KIF3B: variants seen among roughly 807,000 people sequenced by gnomAD.
KIF3B encodes kinesin-like protein KIF3B.
KIF3B carries 38 observed loss-of-function variants against 74.3 expected under a neutral mutation model. That is an observed-to-expected ratio of 0.51 (90% CI 0.39 to 0.67). The LOEUF is 0.67. Among genes scored for constraint, KIF3B ranks in the 30% least tolerant of loss-of-function variants. The pLI, the probability that KIF3B is intolerant of heterozygous loss-of-function variation, is 0.00. For synonymous variants in KIF3B, 326 were observed against 342.5 expected (o/e 0.95, Z 0.53); for missense variants, 649 against 932.0 (o/e 0.70, Z 3.95).
intron 1 of KIF3B, among the ~76,000 whole-genome samples, chr20:32,280,558 A>AG (rs970282916): frequency 6.7e-6 from 1 of 150,282 alleles, no homozygotes; most frequent in African/African-American, 2.5e-5. Flanking sequence ...ACTAAAAGAA[A>AG]AAAAAAATTA....
chr20:32,290,069 G>A (rs759778044), intron 1 of KIF3B, among the ~76,000 whole-genome samples: 14 of 152,078 alleles, frequency 9.2e-5, no homozygotes, highest in Non-Finnish European at 1.9e-4. Context: ...AATCAGCTCC[G>A]AGGGGTAAGA....
chr20:32,327,733 A>C (rs774021668), intron 7 of KIF3B, 72 bp downstream of exon 7: 2 of 1,092,640 alleles, frequency 1.8e-6, no homozygotes, highest in South Asian at 2.6e-5. Flanking sequence ...CTTAGATACT[A>C]TTCCACTCAG....
chr20:32,293,561 C>T (rs1024684578), intron 1 of KIF3B, among the ~76,000 whole-genome samples: 16 of 150,782 alleles, frequency 1.1e-4, no homozygotes, highest in African/African-American at 3.9e-4. Context: ...GGCGAGCCAA[C>T]ATCATGCCAC....
In KIF3B at chr20:32,326,845, A is replaced by G; in HGVS notation, c.1823A>G (p.Glu608Gly). ...ATGAATAGAGCCTTCTTTGATGAAG[A>G]GGAAGATCATTGGAAACTACATCCT... The part of the protein sequence containing the change: ...KIMNRAFFDE[E>G]EDHWKLHPIT... The change falls in exon 6 of 9, where the codon GAG becomes GGG. Residue 608 changes from glutamate (E) to glycine (G), a missense_variant. Glu to Gly is a moderately conservative substitution (Grantham distance 98, BLOSUM62 -2). Around this residue, in one of 4 missense-constraint regions of KIF3B, gnomAD observed 186 missense variants for 198.5 expected, o/e 0.94. Coordinates refer to ENST00000375712, the MANE Select transcript of KIF3B (RefSeq NM_004798.4). 1.3e-6 allele frequency: 2 copies of G among 1,593,446 alleles called. No homozygotes were observed. The highest frequency in any genetic ancestry group is 1.7e-6 in the Non-Finnish European group (2 of 1,163,706).
chr20:32,312,385 G>A (rs1050389773), intron 2 of KIF3B, among the ~76,000 whole-genome samples: 8 of 152,028 alleles, frequency 5.3e-5, no homozygotes, highest in African/African-American at 1.4e-4. Context: ...GATTACAGGC[G>A]TGAGCCACTG....
chr20:32,328,175 G>A (rs2047913269), intron 7 of KIF3B, among the ~76,000 whole-genome samples: 1 of 152,058 alleles, frequency 6.6e-6, no homozygotes, highest in Non-Finnish European at 1.5e-5. Context: ...TGTAATCCCA[G>A]CACTTTGGGA....
rs1439729949 is a variant in KIF3B at position 32,316,774 on chromosome 20, G to T, written c.1648G>T (p.Ala550Ser). The T allele has an allele frequency of 6.2e-7, 1 of 1,614,016 alleles. No individual in the cohort carries two copies. The highest frequency in any genetic ancestry group is 1.1e-5 in the South Asian group (1 of 91,078). Reference protein sequence around the residue: ...KLKKLFSKLQAVKAEIHDLQE... With the variant: ...KLKKLFSKLQSVKAEIHDLQE... ...ATTCCAGCTCTTCTCCAAGCTTCAG[G>T]CAGTGAAGGCTGAGATCCATGACCT... Residue 550 changes from alanine (A) to serine (S), a missense_variant, in exon 5 of 9, where the codon GCA becomes TCA. By Grantham distance (99) the Ala-to-Ser change is moderately conservative. Around this residue, in one of 4 missense-constraint regions of KIF3B, gnomAD observed 363 missense variants for 592.8 expected, o/e 0.61. Coordinates refer to ENST00000375712, the MANE Select transcript of KIF3B (RefSeq NM_004798.4).
chr20:32,323,652 G>A (rs574644178), intron 5 of KIF3B, among the ~76,000 whole-genome samples: 221 of 152,248 alleles, frequency 1.5e-3, no homozygotes, highest in Middle Eastern at 3.4e-3. Context: ...GCTGAGGCAG[G>A]TGGATCATGA....
intron 1 of KIF3B, among the ~76,000 whole-genome samples, chr20:32,281,461 A>T (rs769157318): frequency 3.3e-5 from 5 of 152,246 alleles, no homozygotes. Context: ...CATGCAGCTT[A>T]TATTCTACTG....
At chr20:32,327,729 T>C (rs1214773844) in intron 7 of KIF3B, 68 bp downstream of exon 7, 4 of 1,156,460 alleles carry the variant, frequency 3.5e-6, no homozygotes, top group East Asian at 2.4e-5. Context: ...AGCCCTTAGA[T>C]ACTATTCCAC....
chr20:32,305,139 ACT>A (rs1041172556), intron 1 of KIF3B, among the ~76,000 whole-genome samples: 4 of 150,848 alleles, frequency 2.7e-5, no homozygotes, highest in African/African-American at 9.8e-5. Flanking sequence ...CAGAGGGGAG[ACT>A]CTGTTTAAAA....
intron 1 of KIF3B, among the ~76,000 whole-genome samples, chr20:32,287,340 G>C (rs1299840141): frequency 6.6e-6 from 1 of 150,760 alleles, no homozygotes; most frequent in Non-Finnish European, 1.5e-5. Context: ...GTTTATTTTT[G>C]AGATAGGGTG....
intron 5 of KIF3B, among the ~76,000 whole-genome samples, chr20:32,326,405 G>C (rs942205618): frequency 1.3e-5 from 2 of 152,144 alleles, no homozygotes; most frequent in Admixed American, 1.3e-4. Context: ...GTGGCCCTCT[G>C]AAAGATACTT....
intron 1 of KIF3B, among the ~76,000 whole-genome samples, chr20:32,294,175 G>C (rs2047705891): frequency 6.6e-6 from 1 of 152,178 alleles, no homozygotes; most frequent in Non-Finnish European, 1.5e-5. Context: ...ATTTTTGAAT[G>C]TATTTTATGT....
Position 32,326,759 on chromosome 20 carries a change from G to A in KIF3B, c.1749-12G>A, listed in dbSNP as rs562089520. 1.4e-5 allele frequency: 14 copies of A among 1,017,232 alleles called. No homozygotes were observed. The South Asian group carries it at 1.9e-4, about 14-fold the overall frequency. The allele number at this position is 1,017,232 out of a possible 1,614,324, so 63.0% of individuals were successfully genotyped here. A position where few individuals can be genotyped will look rare whatever the true frequency, so the allele number is the denominator to read the frequency against. On this transcript the variant is annotated splice_polypyrimidine_tract_variant and intron_variant, in intron 5 of 8. Transcript: ENST00000375712. ...CTGTATCTGTTTTCACCTGTTATGT[G>A]TGCTCTTACAGGCATCTTATTATAG...
chr20:32,282,216 A>G (rs1055165115), intron 1 of KIF3B, among the ~76,000 whole-genome samples: 2 of 152,054 alleles, frequency 1.3e-5, no homozygotes, highest in African/African-American at 4.8e-5. Context: ...GTGGCAGTGG[A>G]GATGGTAAGA....
intron 1 of KIF3B, among the ~76,000 whole-genome samples, chr20:32,283,198 G>T (rs1434149918): frequency 6.6e-6 from 1 of 151,888 alleles, no homozygotes; most frequent in Non-Finnish European, 1.5e-5. Flanking sequence ...TGTCGTGCCT[G>T]GCTAATTTAA....
chr20:32,294,366 G>A (rs1273597240), intron 1 of KIF3B, among the ~76,000 whole-genome samples: 1 of 152,122 alleles, frequency 6.6e-6, no homozygotes, highest in Non-Finnish European at 1.5e-5. Flanking sequence ...CGGAGAACTA[G>A]CGTGTCTTCT....
chr20:32,284,660 C>T (rs754762815), intron 1 of KIF3B, among the ~76,000 whole-genome samples: 3 of 152,142 alleles, frequency 2.0e-5, no homozygotes, highest in Non-Finnish European at 4.4e-5. Flanking sequence ...AAAACAACAA[C>T]AATAACAAGG....
Sources: gnomAD v4.1 joint callset for allele counts (sites outside exome capture counted in the v4.1 genomes callset) on GRCh38, gnomAD v4.1.1 for gene constraint, gnomAD v4.1.1 regional missense constraint, MANE v1.5 for transcripts, NCBI Gene and HGNC (gene_info 2026-07-23, HGNC 2026-07-21) for gene names.